Variants in GNPNAT1 observed in about 807,000 individuals in gnomAD.
The protein encoded by GNPNAT1 is glucosamine 6-phosphate N-acetyltransferase.
GNPNAT1 carries 11 observed loss-of-function variants against 19.8 expected under a neutral mutation model. The ratio of observed to expected loss-of-function variants is 0.56; its 90% CI spans 0.35 to 0.92. The LOEUF (loss-of-function observed/expected upper bound fraction) is 0.92, where lower values mean the gene tolerates loss of function less well. GNPNAT1 is among the 40% of genes least tolerant of loss of function. GNPNAT1 has a pLI of 0.01. For missense variants in GNPNAT1, 157 were observed against 211.0 expected, an observed-to-expected ratio of 0.74 and a Z score of 1.59; for synonymous variants, 71 against 72.3, an observed-to-expected ratio of 0.98 and a Z score of 0.09.
intron 1 of GNPNAT1, 78 bp from the exon 2 acceptor site, chr14:52,784,742 T>C (rs1275990849): frequency 5.0e-6 from 3 of 595,626 alleles, no homozygotes; most frequent in African/African-American, 1.9e-5. Flanking sequence ...TTAATATAAA[T>C]TAATGCAATT....
At chr14:52,779,183 T>C (rs769426899) in intron 5 of GNPNAT1, among the ~76,000 whole-genome samples, 1 of 152,222 alleles carries the variant, frequency 6.6e-6, no homozygotes, top group Admixed American at 6.5e-5. Flanking sequence ...CTTTGCTCTT[T>C]AATCATTTTT....
chr14:52,784,418 A>G lies in GNPNAT1; in HGVS notation c.154+79T>C, dbSNP rs187322614. ...AAAATAGTCCAAAAGTCAAATATTT[A>G]AAAAAAATTATCTGCATCATAATGT... is the stretch of plus-strand genomic sequence containing the variant. On this transcript the variant is annotated intron_variant, in intron 2 of 5. Coordinates refer to ENST00000216410, the MANE Select transcript of GNPNAT1 (RefSeq NM_198066.4). 4.2e-6 allele frequency: 5 copies of G among 1,177,638 alleles called. 1 individual carries two copies. In the Admixed American group the frequency reaches 1.2e-4, roughly 27 times the overall value. The allele number at this position is 1,177,638 out of a possible 1,614,324, so 72.9% of individuals were successfully genotyped here. A position where few individuals can be genotyped will look rare whatever the true frequency, so the allele number is the denominator to read the frequency against.
Position 52,780,723 on chromosome 14 carries a change from A to T in GNPNAT1, c.363T>A (p.Asp121Glu). 6.2e-7 allele frequency: 1 copy of T among 1,601,736 alleles called. No homozygotes were observed. The highest frequency in any genetic ancestry group is 1.7e-4 in the Middle Eastern group (1 of 6,034). The change falls in exon 5 of 6, where the codon GAT becomes GAA. Residue 121 changes from aspartate (D) to glutamate (E), a missense_variant. Coordinates refer to ENST00000216410, the MANE Select transcript of GNPNAT1 (RefSeq NM_198066.4). ...CTCTGCATTCATCACTAACAACAACATCTTCTACTCTTCCTCTCTGAAAAT... is the reference window on the plus strand; with the variant it reads ...CTCTGCATTCATCACTAACAACAACTTCTTCTACTCTTCCTCTCTGAAAAT... ...HSCAKRGRVE[D>E]VVVSDECRGK...
intron 4 of GNPNAT1, among the ~76,000 whole-genome samples, chr14:52,780,979 G>T (rs1295100126): frequency 6.6e-6 from 1 of 152,106 alleles, no homozygotes; most frequent in African/African-American, 2.4e-5. Context: ...TTTTAAATAT[G>T]ACAGAGAAGC....
chr14:52,790,268 T>C (rs1883139269), intron 1 of GNPNAT1, among the ~76,000 whole-genome samples: 1 of 152,156 alleles, frequency 6.6e-6, no homozygotes, highest in Non-Finnish European at 1.5e-5. Flanking sequence ...AAAAATACAA[T>C]CTAAGGCCAA....
At position 52,777,724 on chromosome 14, in the gene GNPNAT1, A is replaced by G. The variant is rs1345305992; in HGVS notation, c.*587T>C. On this transcript the variant is annotated 3_prime_UTR_variant, in exon 6 of 6. Coordinates refer to ENST00000216410, the MANE Select transcript of GNPNAT1 (RefSeq NM_198066.4). ...AAACATTTAAATTGTTTTACTTTTA[A>G]TCTTGTCAAGTAATTTTCATTTCTT... The G allele has an allele frequency of 6.6e-6, 1 of 152,150 alleles. No individual in the cohort carries two copies. The allele number at this position is 152,150 out of a possible 1,614,324, so 9.4% of individuals were successfully genotyped here.
At chr14:52,780,014 T>G (rs986091933) in intron 5 of GNPNAT1, among the ~76,000 whole-genome samples, 2 of 151,626 alleles carry the variant, frequency 1.3e-5, no homozygotes, top group African/African-American at 4.8e-5. Flanking sequence ...CTCTACAAAT[T>G]TTTAAAAATT....
intron 1 of GNPNAT1, 40 bp from the exon 2 acceptor site, chr14:52,784,704 A>G (rs1882971941): frequency 2.4e-6 from 2 of 835,208 alleles, no homozygotes; most frequent in South Asian, 2.1e-5. Context: ...TTTATTTAAT[A>G]GAAGGAAAAT....
intron 3 of GNPNAT1, among the ~76,000 whole-genome samples, chr14:52,782,465 A>G (rs927514624): frequency 6.6e-6 from 1 of 152,142 alleles, no homozygotes; most frequent in Admixed American, 6.5e-5. Context: ...AAGTAAAAAC[A>G]TATCTGTTTC....
Position 52,781,912 on chromosome 14 carries a change from C to A in GNPNAT1, c.218-1G>T, listed in dbSNP as rs1300275243. 1 of 1,601,548 alleles carries A rather than the reference C, an allele frequency of 6.2e-7. No individual in the cohort carries two copies. Among genetic ancestry groups the A allele is most frequent in the South Asian group, 1.1e-5 (1 of 88,292 alleles). On this transcript the variant is annotated splice_acceptor_variant, in intron 3 of 5. Coordinates refer to ENST00000216410, the MANE Select transcript of GNPNAT1 (RefSeq NM_198066.4). LOFTEE classifies it high-confidence loss of function. ...GATTTCTTCATATGCTCAAAAGATT[C>A]TGTGGAAATTGGATAACAAAGTGTT... is the stretch of plus-strand genomic sequence containing the variant.
In GNPNAT1 at chr14:52,776,739, TAG is replaced by T. The variant is rs1156598426; in HGVS notation, c.*1570_*1571del. ...TCTGGCTAATTTTTCTTTTTTTTAG[TAG>T]AGACAGGGTTTCACCATTTTGGTCA... On this transcript the variant is annotated 3_prime_UTR_variant, in exon 6 of 6. Coordinates refer to ENST00000216410, the MANE Select transcript of GNPNAT1 (RefSeq NM_198066.4). 4 of 152,094 alleles carry T rather than the reference TAG, an allele frequency of 2.6e-5. No individual in the cohort carries two copies. Among genetic ancestry groups the T allele is most frequent in the African/African-American group, 9.7e-5 (4 of 41,396 alleles). 9.4% of individuals were successfully genotyped at this position (152,094 alleles called of 1,614,324 possible).
rs1882693513 is a variant in GNPNAT1, at chr14:52,775,774, G to A, written c.*2537C>T. On this transcript the variant is annotated 3_prime_UTR_variant, in exon 6 of 6. Transcript: ENST00000216410. ...GCACACACCTGTAGTTCCAGCTACTGGGGAGGCTGAGGCAGGAGGGATGGC... is the reference window on the plus strand; with the variant it reads ...GCACACACCTGTAGTTCCAGCTACTAGGGAGGCTGAGGCAGGAGGGATGGC... The A allele has an allele frequency of 1.3e-5, 2 of 152,356 alleles. No individual in the cohort carries two copies. The highest frequency in any genetic ancestry group is 2.9e-5 in the Non-Finnish European group (2 of 68,310). 9.4% of individuals were successfully genotyped at this position (152,356 alleles called of 1,614,324 possible).
rs576821517 is a variant in GNPNAT1, at chr14:52,786,641, C to G, written c.-14-1977G>C. 9.9e-4 allele frequency among the ~76,000 whole-genome samples: 151 copies of G among 152,064 alleles called. 1 individual carries two copies. Among genetic ancestry groups the G allele is most frequent in the Middle Eastern group, 6.8e-3 (2 of 294 alleles). On this transcript the variant is annotated intron_variant, in intron 1 of 5. Transcript: ENST00000216410. ...TCTTTTTTGAACATTTAGAAATGAG[C>G]AGGTTCTCACTAGTTGTAATGTTTT...
At position 52,778,364 on chromosome 14, in the gene GNPNAT1, A is replaced by C. The variant is rs192453247; in HGVS notation, c.502T>G (p.Phe168Val). 101 of 1,606,308 alleles carry C rather than the reference A, an allele frequency of 6.3e-5. No homozygotes were observed. The East Asian group carries it at 2.1e-3, about 33-fold the overall frequency. Residue 168 changes from phenylalanine (F) to valine (V), a missense_variant, in exon 6 of 6, where the codon TTT becomes GTT. Physicochemically the swap from Phe to Val is conservative, Grantham distance 50. Transcript: ENST00000216410. ...LPQNVGFYKK[F>V]GYTVSEENYM... ...TTTTCTTCAGATACAGTATATCCAA[A>C]CTTTTTATAGAAACCAACATTTTGT...
chr14:52,785,778 G>A (rs992769572), intron 1 of GNPNAT1, among the ~76,000 whole-genome samples: 5 of 145,772 alleles, frequency 3.4e-5, no homozygotes, highest in African/African-American at 1.0e-4. Flanking sequence ...ATGGAGTTTC[G>A]CTCTTATTGC....
At chr14:52,783,306 G>T in intron 3 of GNPNAT1, 117 bp downstream of exon 3, 1 of 649,512 alleles carries the variant, frequency 1.5e-6, no homozygotes, top group Non-Finnish European at 2.7e-6. Context: ...CAGCTAATTT[G>T]TTCTTTGAAT....
intron 2 of GNPNAT1, 57 bp downstream of exon 2, chr14:52,784,440 A>G: frequency 7.4e-7 from 1 of 1,345,344 alleles, no homozygotes; most frequent in Middle Eastern, 2.8e-4. Context: ...CTGCATCATA[A>G]TGTTTAGAGA....
At position 52,775,600 on chromosome 14, in the gene GNPNAT1, A is replaced by G. The variant is rs188583471; in HGVS notation, c.*2711T>C. ...CCTTTTCACAAGCAAATAGTGGCCA[A>G]AGATGTGAACGGCCAGACACGGTAG... On this transcript the variant is annotated 3_prime_UTR_variant, in exon 6 of 6. Transcript: ENST00000216410. 300 of 152,330 alleles carry G rather than the reference A, an allele frequency of 2.0e-3. No homozygotes were observed. Among genetic ancestry groups the G allele is most frequent in the African/African-American group, 6.9e-3 (285 of 41,570 alleles). 9.4% of individuals were successfully genotyped at this position (152,330 alleles called of 1,614,324 possible).
At position 52,791,232 on chromosome 14, in the gene GNPNAT1, T is replaced by G. The variant is rs971954329; in HGVS notation, c.-15+196A>C. On this transcript the variant is annotated intron_variant, in intron 1 of 5. Coordinates refer to ENST00000216410, the MANE Select transcript of GNPNAT1 (RefSeq NM_198066.4). The surrounding 1 kb of genome is among the most constrained non-coding windows in gnomAD (Gnocchi z 4.1). Reference sequence around the variant, plus strand: ...ACCTCTGCTCCAGGCGCGCGTGCGTTCAACTTCCTGGGAACCGCGCTCCAC... The same window carrying G: ...ACCTCTGCTCCAGGCGCGCGTGCGTGCAACTTCCTGGGAACCGCGCTCCAC... Among the ~76,000 whole-genome samples the G allele has an allele frequency of 2.6e-5, 4 of 151,428 alleles. No homozygotes were observed. The highest frequency in any genetic ancestry group is 5.9e-5 in the Non-Finnish European group (4 of 67,788).
Sources: gnomAD v4.1 joint callset for allele counts (sites outside exome capture counted in the v4.1 genomes callset) on GRCh38, gnomAD v4.1.1 for gene constraint, Gnocchi (gnomAD v3.1) non-coding constraint, MANE v1.5 for transcripts, NCBI Gene and HGNC (gene_info 2026-07-23, HGNC 2026-07-21) for gene names.